UTRN: variants seen among roughly 807,000 people sequenced by gnomAD.
UTRN encodes the protein utrophin.
In UTRN, 283 loss-of-function variants were observed where a neutral mutation model predicts 463.9. The ratio of observed to expected loss-of-function variants is 0.61; its 90% CI spans 0.55 to 0.67. The LOEUF (loss-of-function observed/expected upper bound fraction) is 0.67. Among genes scored for constraint, UTRN ranks in the 30% least tolerant of loss-of-function variants. UTRN has a pLI of 0.00. For missense variants in UTRN, 3,922 were observed against 4,084.3 expected, an observed-to-expected ratio of 0.96 and a Z score of 1.08; for synonymous variants, 1,442 against 1,431.5, an observed-to-expected ratio of 1.01 and a Z score of -0.17.
chr6:144,681,784 C>T (rs964456275), intron 52 of UTRN, among the ~76,000 whole-genome samples: 1 of 152,042 alleles, frequency 6.6e-6, no homozygotes, highest in Admixed American at 6.6e-5. Flanking sequence ...CTATATTAAC[C>T]TGTCCGTGCT....
At chr6:144,424,526 T>G (rs55883809) in intron 6 of UTRN, among the ~76,000 whole-genome samples, 1 of 152,338 alleles carries the variant, frequency 6.6e-6, no homozygotes, top group Non-Finnish European at 1.5e-5. Flanking sequence ...TCTGAAGTAC[T>G]GAGGGTTAGG....
rs375444342 is a variant in UTRN, at chr6:144,789,242, G to C, written c.8883G>C (p.Met2961Ile). 2.5e-6 allele frequency: 4 copies of C among 1,613,446 alleles called. No individual in the cohort carries two copies. Among genetic ancestry groups the C allele is most frequent in the Non-Finnish European group, 2.5e-6 (3 of 1,179,726 alleles). The stretch of plus-strand genomic sequence containing the variant: ...TGCAGAGTCTGAAGATTGGATTAAT[G>C]TCTCTCTCCAAAGGTCTCTTGGAAG... ...IRVQSLKIGL[M>I]SLSKGLLEEK... Residue 2961 changes from methionine to isoleucine, a missense_variant, in exon 62 of 75, where the codon ATG becomes ATC. Around this residue, in one of 3 missense-constraint regions of UTRN, gnomAD observed 1,309 missense variants for 1,452.6 expected, o/e 0.90. Coordinates refer to ENST00000367545, the MANE Select transcript of UTRN (RefSeq NM_007124.3).
chr6:144,686,543 A>G (rs1782775497), intron 52 of UTRN, among the ~76,000 whole-genome samples: 1 of 152,084 alleles, frequency 6.6e-6, no homozygotes, highest in African/African-American at 2.4e-5. Context: ...TAGGCCTAGT[A>G]GTAATTGCTT....
At chr6:144,724,938 T>A (rs1287963066) in intron 53 of UTRN, among the ~76,000 whole-genome samples, 1 of 152,222 alleles carries the variant, frequency 6.6e-6, no homozygotes, top group East Asian at 1.9e-4. Flanking sequence ...TTTCTTTTTC[T>A]TCGGTATATA....
intron 51 of UTRN, among the ~76,000 whole-genome samples, chr6:144,580,021 G>C (rs1040425994): frequency 6.6e-6 from 1 of 152,138 alleles, no homozygotes; most frequent in Non-Finnish European, 1.5e-5. Flanking sequence ...TAGAGATTTA[G>C]TACCTTTTAC....
rs182920349 is a variant in UTRN, at chr6:144,815,044, A to G, written c.9358-5838A>G. Among the ~76,000 whole-genome samples the G allele has an allele frequency of 3.3e-5, 5 of 152,342 alleles. No individual in the cohort carries two copies. In the East Asian group the frequency reaches 9.6e-4, roughly 29 times the overall value. ...CTTGGAACATCTTGTAATAGTAGCTAATAAGGAAGCTGTTGAAGACTGTTA... is the reference window on the plus strand; with the variant it reads ...CTTGGAACATCTTGTAATAGTAGCTGATAAGGAAGCTGTTGAAGACTGTTA... On this transcript the variant is annotated intron_variant, in intron 65 of 74. Transcript: ENST00000367545.
chr6:144,314,891 A>G (rs1359022429), intron 2 of UTRN, among the ~76,000 whole-genome samples: 2 of 152,074 alleles, frequency 1.3e-5, no homozygotes, highest in Non-Finnish European at 2.9e-5. Flanking sequence ...TTTTACATGT[A>G]TTGCATTTGA....
Position 144,836,467 on chromosome 6 carries a change from A to C in UTRN, c.9991A>C (p.Arg3331=), listed in dbSNP as rs1486405966. 5 of 1,613,804 alleles carry C rather than the reference A, an allele frequency of 3.1e-6. No homozygotes were observed. In the Admixed American group the frequency reaches 8.3e-5, roughly 27 times the overall value. The change falls in exon 71 of 75, where the codon AGG becomes CGG. Residue 3331 remains arginine, a synonymous_variant. Transcript: ENST00000367545. The stretch of plus-strand genomic sequence containing the variant: ...GCAGCACAAAGGTCGGCTGGAGGCT[A>C]GGATGCAGATTTTAGAAGATCACAA... The part of the protein sequence containing the change: ...LRQHKGRLEA[R]MQILEDHNKQ...
intron 54 of UTRN, 36 bp from the exon 55 acceptor site, chr6:144,748,210 C>T (rs1223407624): frequency 6.4e-7 from 1 of 1,569,866 alleles, no homozygotes; most frequent in South Asian, 1.2e-5. Flanking sequence ...TATAATCAGA[C>T]ATCCAAATTA....
intron 34 of UTRN, among the ~76,000 whole-genome samples, chr6:144,507,437 C>T (rs1243998077): frequency 1.3e-5 from 2 of 152,034 alleles, no homozygotes; most frequent in African/African-American, 2.4e-5. Flanking sequence ...TGGTGACCTT[C>T]GAATGGGGTT....
chr6:144,785,958 G>A (rs1309368711), intron 61 of UTRN, among the ~76,000 whole-genome samples: 10 of 152,144 alleles, frequency 6.6e-5, no homozygotes, highest in Non-Finnish European at 2.9e-5. Context: ...TGGTTTAAAT[G>A]TGTTTTTTTC....
intron 39 of UTRN, among the ~76,000 whole-genome samples, chr6:144,521,728 A>C (rs1796109300): frequency 6.6e-6 from 1 of 152,130 alleles, no homozygotes; most frequent in African/African-American, 2.4e-5. Context: ...GATGGCATAG[A>C]TCTTAAAGCC....
At position 144,448,640 on chromosome 6, in the gene UTRN, C is replaced by A; in HGVS notation, c.1943C>A (p.Pro648His). Residue 648 changes from proline to histidine, a missense_variant, in exon 17 of 75, where the codon CCT becomes CAT. Around this residue, in one of 3 missense-constraint regions of UTRN, gnomAD observed 2,349 missense variants for 2,303.8 expected, o/e 1.02. Coordinates refer to ENST00000367545, the MANE Select transcript of UTRN (RefSeq NM_007124.3). ...AVAKLGMSQI[P>H]QKDLLETVRV... ...GCAAAGCTGGGGATGTCTCAGATTC[C>A]TCAGAAGGACCTTTTGGAGACTGTT... 1 of 1,613,924 alleles carries A rather than the reference C, an allele frequency of 6.2e-7. No individual in the cohort carries two copies. Among genetic ancestry groups the A allele is most frequent in the Non-Finnish European group, 8.5e-7 (1 of 1,179,912 alleles).
At chr6:144,474,845 C>A in intron 25 of UTRN, 86 bp downstream of exon 25, 1 of 1,453,288 alleles carries the variant, frequency 6.9e-7, no homozygotes, top group Non-Finnish European at 9.2e-7. Context: ...TATGACCCAT[C>A]CAGTTTGAAA....
chr6:144,729,875 T>C (rs1788332975), intron 53 of UTRN, among the ~76,000 whole-genome samples: 1 of 152,260 alleles, frequency 6.6e-6, no homozygotes, highest in Non-Finnish European at 1.5e-5. Flanking sequence ...GTACTTTGTT[T>C]CTATCGCTTC....
intron 2 of UTRN, among the ~76,000 whole-genome samples, chr6:144,336,967 T>C (rs1584332347): frequency 1.3e-5 from 2 of 152,130 alleles, no homozygotes; most frequent in East Asian, 3.9e-4. Flanking sequence ...TTCTACCAAG[T>C]GGTGGCATCA....
At chr6:144,480,027 C>T (rs1160906349) in intron 26 of UTRN, 45 bp downstream of exon 26, 1 of 1,585,362 alleles carries the variant, frequency 6.3e-7, no homozygotes, top group East Asian at 2.3e-5. Context: ...TGCCTCCCTC[C>T]TCCCTTTAAA....
At chr6:144,411,343 C>G (rs978590298) in intron 3 of UTRN, among the ~76,000 whole-genome samples, 1 of 151,990 alleles carries the variant, frequency 6.6e-6, no homozygotes, top group Non-Finnish European at 1.5e-5. Context: ...TTCTTGTTGC[C>G]CATTTGTATA....
At chr6:144,437,487 G>C in intron 10 of UTRN, 78 bp from the exon 11 acceptor site, 1 of 1,395,766 alleles carries the variant, frequency 7.2e-7, no homozygotes, top group Non-Finnish European at 9.5e-7. Flanking sequence ...TTTAGGTTAG[G>C]CATTAGCAAT....
Sources: gnomAD v4.1 joint callset for allele counts (sites outside exome capture counted in the v4.1 genomes callset) on GRCh38, gnomAD v4.1.1 for gene constraint, gnomAD v4.1.1 regional missense constraint, MANE v1.5 for transcripts, NCBI Gene and HGNC (gene_info 2026-07-23, HGNC 2026-07-21) for gene names.